FEZ1: variants seen among roughly 807,000 people sequenced by gnomAD.
FEZ1 encodes the protein fasciculation and elongation protein zeta 1.
In FEZ1, 20 loss-of-function variants were observed where a neutral mutation model predicts 49.3. That is an observed-to-expected ratio of 0.41 (90% confidence interval 0.29 to 0.59). The LOEUF is 0.59. Among genes scored for constraint, FEZ1 ranks in the 20% least tolerant of loss-of-function variants. The pLI is 0.36. For missense variants in FEZ1, 413 were observed against 476.0 expected (o/e 0.87, Z 1.23); for synonymous variants, 170 against 180.9 (o/e 0.94, Z 0.48).
Position 125,489,238 on chromosome 11 carries a change from G to A in FEZ1, c.311+229C>T. On this transcript the variant is annotated intron_variant, in intron 2 of 9. Transcript: ENST00000278919. The surrounding 1 kb of genome is among the most constrained non-coding windows in gnomAD (Gnocchi z 4.2). ...CTCCTGAAATTCCATTTTGTATCTA[G>A]GAAAACCTTCATTCCTCTAAGGTTT... 8.5e-7 allele frequency: 1 copy of A among 1,182,622 alleles called. No individual in the cohort carries two copies. Among genetic ancestry groups the A allele is most frequent in the Non-Finnish European group, 1.0e-6 (1 of 957,716 alleles). 73.3% of individuals were successfully genotyped at this position (1,182,622 alleles called of 1,614,324 possible).
intron 2 of FEZ1, among the ~76,000 whole-genome samples, chr11:125,485,593 C>A (rs1403581611): frequency 1.3e-5 from 2 of 152,170 alleles, no homozygotes; most frequent in Admixed American, 1.3e-4. Context: ...AATATCCACA[C>A]CCAAATGTGT....
At chr11:125,466,291 G>A (rs1957129105) in intron 3 of FEZ1, among the ~76,000 whole-genome samples, 1 of 152,032 alleles carries the variant, frequency 6.6e-6, no homozygotes, top group East Asian at 1.9e-4. Flanking sequence ...GACCAACCTG[G>A]GCAACATGGC....
rs73623104 is a variant in FEZ1, at chr11:125,460,681, C to G, written c.499-15G>C. Reference sequence around the variant, plus strand: ...TCCTCAATTACCTGAAGAAGGTACACGAGAGAGTGCTAACTCTGTTCTCTG... The same window carrying G: ...TCCTCAATTACCTGAAGAAGGTACAGGAGAGAGTGCTAACTCTGTTCTCTG... On this transcript the variant is annotated splice_polypyrimidine_tract_variant and intron_variant, in intron 4 of 9. Transcript: ENST00000278919. 6.8e-6 allele frequency: 11 copies of G among 1,610,910 alleles called. No individual in the cohort carries two copies. The highest frequency in any genetic ancestry group is 8.5e-6 in the Non-Finnish European group (10 of 1,178,876).
At chr11:125,492,494 T>G (rs1957391307) in intron 1 of FEZ1, among the ~76,000 whole-genome samples, 1 of 152,086 alleles carries the variant, frequency 6.6e-6, no homozygotes, top group Non-Finnish European at 1.5e-5. Context: ...AACAAAAAAG[T>G]GAGATTAGAA....
At chr11:125,481,337 T>C (rs1348852675) in intron 3 of FEZ1, among the ~76,000 whole-genome samples, 197 bp downstream of exon 3, 1 of 152,034 alleles carries the variant, frequency 6.6e-6, no homozygotes, top group African/African-American at 2.4e-5. Flanking sequence ...TTGGTAGAAA[T>C]GGGGGTTTCA....
intron 3 of FEZ1, among the ~76,000 whole-genome samples, chr11:125,465,708 G>C (rs1369125497): frequency 1.3e-5 from 2 of 152,090 alleles, no homozygotes; most frequent in South Asian, 4.1e-4. Flanking sequence ...TTCCCTCTAT[G>C]TGCGGGTTAC....
At chr11:125,461,476 G>C (rs1336459538) in intron 4 of FEZ1, among the ~76,000 whole-genome samples, 2 of 152,130 alleles carry the variant, frequency 1.3e-5, no homozygotes, top group Non-Finnish European at 2.9e-5. Flanking sequence ...TTGTGGTGAC[G>C]TGTGTCTGTA....
In FEZ1 at chr11:125,489,867, C is replaced by T; in HGVS notation, c.-45-45G>A. 6.8e-7 allele frequency: 1 copy of T among 1,460,348 alleles called. No homozygotes were observed. The allele number at this position is 1,460,348 out of a possible 1,614,324, so 90.5% of individuals were successfully genotyped here. On this transcript the variant is annotated intron_variant, in intron 1 of 9. Coordinates refer to ENST00000278919, the MANE Select transcript of FEZ1 (RefSeq NM_005103.5). This position sits in a 1 kb window ranked among gnomAD's most constrained non-coding sequence, Gnocchi z 4.2. ...TAATGTGAGTTTAGACCAGGCTAAT[C>T]TAAATAATAGAGTTAACTTTAGAGA...
At position 125,445,963 on chromosome 11, in the gene FEZ1, C is replaced by A; in HGVS notation, c.*132G>T. The A allele has an allele frequency of 1.1e-6, 1 of 944,806 alleles. No homozygotes were observed. Among genetic ancestry groups the A allele is most frequent in the Non-Finnish European group, 1.7e-6 (1 of 576,726 alleles). 58.5% of individuals were successfully genotyped at this position (944,806 alleles called of 1,614,324 possible). Reference sequence around the variant, plus strand: ...AACGGCAAAGGACCCCGCGCGCTTGCTCGTGTTTAATCCAGGTTAAGCTAT... The same window carrying A: ...AACGGCAAAGGACCCCGCGCGCTTGATCGTGTTTAATCCAGGTTAAGCTAT... On this transcript the variant is annotated 3_prime_UTR_variant, in exon 10 of 10. Coordinates refer to ENST00000278919, the MANE Select transcript of FEZ1 (RefSeq NM_005103.5). The surrounding 1 kb of genome is among the most constrained non-coding windows in gnomAD (Gnocchi z 4.4).
intron 8 of FEZ1, among the ~76,000 whole-genome samples, chr11:125,451,175 T>C (rs913808239): frequency 6.6e-6 from 1 of 152,190 alleles, no homozygotes; most frequent in Non-Finnish European, 1.5e-5. Flanking sequence ...CAAACATCTA[T>C]AAATGTCAGT....
Position 125,487,482 on chromosome 11 carries a change from C to T in FEZ1, c.311+1985G>A, listed in dbSNP as rs540032268. Reference sequence around the variant, plus strand: ...TAGTTCATTGGCTGGTGCACTAGAACGAAAAAATATTCGGCATAATAAACC... The same window carrying T: ...TAGTTCATTGGCTGGTGCACTAGAATGAAAAAATATTCGGCATAATAAACC... On this transcript the variant is annotated intron_variant, in intron 2 of 9. Coordinates refer to ENST00000278919, the MANE Select transcript of FEZ1 (RefSeq NM_005103.5). Among the ~76,000 whole-genome samples the T allele has an allele frequency of 3.4e-4, 51 of 152,160 alleles. No individual in the cohort carries two copies. In the South Asian group the frequency reaches 7.1e-3, roughly 21 times the overall value.
chr11:125,481,686 T>C, intron 2 of FEZ1, 53 bp from the exon 3 acceptor site: 1 of 1,259,408 alleles, frequency 7.9e-7, no homozygotes, highest in Non-Finnish European at 1.2e-6. Flanking sequence ...TGGCCCCGCC[T>C]GGAGGAAGGA....
chr11:125,471,876 G>T (rs904547894), intron 3 of FEZ1, among the ~76,000 whole-genome samples: 1 of 152,010 alleles, frequency 6.6e-6, no homozygotes, highest in Non-Finnish European at 1.5e-5. Context: ...CCCTAAATCA[G>T]TCTGAACGTA....
chr11:125,495,223 G>C lies in FEZ1; in HGVS notation c.-46+898C>G. 2.6e-6 allele frequency: 1 copy of C among 378,774 alleles called. No individual in the cohort carries two copies. Among genetic ancestry groups the C allele is most frequent in the Non-Finnish European group, 5.5e-6 (1 of 180,396 alleles). 23.5% of individuals were successfully genotyped at this position (378,774 alleles called of 1,614,324 possible). A position where few individuals can be genotyped will look rare whatever the true frequency, so the allele number is the denominator to read the frequency against. On this transcript the variant is annotated intron_variant, in intron 1 of 9. Transcript: ENST00000278919. The surrounding 1 kb of genome is among the most constrained non-coding windows in gnomAD (Gnocchi z 4.2). ...AAAGCCTCCTCCAGGCAGCACAATG[G>C]CTGGCACTCTGAGGAAGCCGGACTC... is the stretch of plus-strand genomic sequence containing the variant.
At chr11:125,485,780 CAAAAA>C (rs541680089) in intron 2 of FEZ1, among the ~76,000 whole-genome samples, 1 of 114,172 alleles carries the variant, frequency 8.8e-6, no homozygotes, top group African/African-American at 3.2e-5. Context: ...TACTAAAAGA[CAAAAA>C]AAAAAAAAAA....
chr11:125,493,640 GA>G (rs1957427601), intron 1 of FEZ1, among the ~76,000 whole-genome samples: 1 of 152,166 alleles, frequency 6.6e-6, no homozygotes, highest in African/African-American at 2.4e-5. Context: ...TATCAAACAA[GA>G]GAACTATTGC....
chr11:125,457,642 T>C (rs1048238846), intron 5 of FEZ1, among the ~76,000 whole-genome samples: 3 of 151,760 alleles, frequency 2.0e-5, no homozygotes, highest in Admixed American at 6.6e-5. Context: ...TTTTTAATTT[T>C]TGTGGGTACA....
At position 125,458,249 on chromosome 11, in the gene FEZ1, T is replaced by A. The variant is rs1957038884; in HGVS notation, c.668-2143A>T. On this transcript the variant is annotated intron_variant, in intron 5 of 9. Coordinates refer to ENST00000278919, the MANE Select transcript of FEZ1 (RefSeq NM_005103.5). ...TGACCAACCCACCTTCTCCCTCCCC[T>A]GTTTCTAAGTTCCCATCTCCCCATG... Among the ~76,000 whole-genome samples, 6 of 152,206 alleles carry A rather than the reference T, an allele frequency of 3.9e-5. No homozygotes were observed. In the South Asian group the frequency reaches 1.2e-3, roughly 31 times the overall value.
At chr11:125,447,205 G>A (rs1956906718) in intron 9 of FEZ1, among the ~76,000 whole-genome samples, 2 of 152,308 alleles carry the variant, frequency 1.3e-5, no homozygotes, top group African/African-American at 4.8e-5. Flanking sequence ...ATCGGAAGCT[G>A]TATCTGATCA....
Sources: gnomAD v4.1 joint callset for allele counts (sites outside exome capture counted in the v4.1 genomes callset) on GRCh38, gnomAD v4.1.1 for gene constraint, Gnocchi (gnomAD v3.1) non-coding constraint, MANE v1.5 for transcripts, NCBI Gene and HGNC (gene_info 2026-07-23, HGNC 2026-07-21) for gene names.